The following ZNF114 variants were observed in gnomAD, a reference collection of about 807,000 sequenced individuals.
ZNF114 encodes zinc finger protein 114 (Y18).
In ZNF114, 8 loss-of-function variants were observed where a neutral mutation model predicts 6.8. That is an observed-to-expected ratio of 1.18 (90% confidence interval 0.69 to 2.13). The LOEUF (loss-of-function observed/expected upper bound fraction) is 2.13, where lower values mean the gene tolerates loss of function less well. Among genes scored for constraint, ZNF114 ranks in the 30% most tolerant of loss-of-function variants. The pLI is 0.00. For synonymous variants in ZNF114, 169 were observed against 185.5 expected (o/e 0.91, Z 0.72); for missense variants, 472 against 519.5 (o/e 0.91, Z 0.89).
At chr19:48,274,430 C>A (rs1440204828) in intron 3 of ZNF114, among the ~76,000 whole-genome samples, 1 of 149,824 alleles carries the variant, frequency 6.7e-6, no homozygotes, top group East Asian at 1.9e-4. Flanking sequence ...ACATTTGGAG[C>A]AGGAAGAGTT....
At chr19:48,278,095 C>T (rs1967896594) in intron 3 of ZNF114, among the ~76,000 whole-genome samples, 1 of 151,946 alleles carries the variant, frequency 6.6e-6, no homozygotes, top group Non-Finnish European at 1.5e-5. Flanking sequence ...GCCACCACGC[C>T]CGGTTAATTT....
chr19:48,273,430 T>TG (rs1967732188), intron 3 of ZNF114, among the ~76,000 whole-genome samples: 1 of 149,412 alleles, frequency 6.7e-6, no homozygotes, highest in Non-Finnish European at 1.5e-5. Flanking sequence ...TCTTTTCTGT[T>TG]TTTTTTTTTT....
chr19:48,275,452 AC>A (rs1967803312), intron 3 of ZNF114, among the ~76,000 whole-genome samples: 1 of 133,636 alleles, frequency 7.5e-6, no homozygotes, highest in African/African-American at 2.6e-5. Flanking sequence ...ACACACACAC[AC>A]ACACAAAATA....
intron 3 of ZNF114, 73 bp from the exon 4 acceptor site, chr19:48,279,658 T>G: frequency 9.7e-7 from 1 of 1,033,940 alleles, no homozygotes; most frequent in South Asian, 1.3e-5. Context: ...GAGATTAATG[T>G]CAGGCAGGAT....
chr19:48,277,116 G>C (rs142104732), intron 3 of ZNF114, among the ~76,000 whole-genome samples: 2 of 151,960 alleles, frequency 1.3e-5, no homozygotes, highest in South Asian at 2.1e-4. Context: ...AGCTGAGATC[G>C]TGCCACTGCA....
Position 48,287,019 on chromosome 19 carries a change from A to T in ZNF114, c.*141A>T. On this transcript the variant is annotated 3_prime_UTR_variant, in exon 6 of 6. Transcript: ENST00000595607. ...GTATCTTACAGAAATGTGAAAAAAA[A>T]CCCTGTGAAGGTAAAGTCTACAGAA... 1.1e-6 allele frequency: 1 copy of T among 910,794 alleles called. No individual in the cohort carries two copies. Among genetic ancestry groups the T allele is most frequent in the East Asian group, 2.9e-5 (1 of 34,090 alleles). 56.4% of individuals were successfully genotyped at this position (910,794 alleles called of 1,614,324 possible).
chr19:48,285,619 GAA>G, intron 5 of ZNF114, 140 bp from the exon 6 acceptor site: 3 of 916,600 alleles, frequency 3.3e-6, no homozygotes, highest in Non-Finnish European at 4.8e-6. Flanking sequence ...AAGGAAGAAA[GAA>G]AGGATGGAAG....
At chr19:48,280,547 ATTTTTTTT>A (rs397859226) in intron 4 of ZNF114, among the ~76,000 whole-genome samples, 1 of 123,012 alleles carries the variant, frequency 8.1e-6, no homozygotes, top group Non-Finnish European at 1.7e-5. Flanking sequence ...CCCACTCCAA[ATTTTTTTT>A]TTTTTTTTTT....
chr19:48,274,503 TA>T lies in ZNF114; in HGVS notation c.-70+2676del, dbSNP rs1366402225. 2.3e-3 allele frequency among the ~76,000 whole-genome samples: 26 copies of T among 11,206 alleles called. No homozygotes were observed. The East Asian group carries it at 0.026, about 11-fold the overall frequency. 7.4% of individuals were successfully genotyped at this position (11,206 alleles called of 152,430 possible). A position where few individuals can be genotyped will look rare whatever the true frequency, so the allele number is the denominator to read the frequency against. On this transcript the variant is annotated intron_variant, in intron 3 of 5. Transcript: ENST00000595607. ...ACTTTTATATATATATATATATATA[TA>T]TATTTTTTTTTTTTTTTTTGAGACA... is the stretch of plus-strand genomic sequence containing the variant.
Position 48,278,142 on chromosome 19 carries a change from G to C in ZNF114, c.-69-1589G>C, listed in dbSNP as rs570170112. Among the ~76,000 whole-genome samples the C allele has an allele frequency of 2.0e-5, 3 of 152,188 alleles. No individual in the cohort carries two copies. In the South Asian group the frequency reaches 6.2e-4, roughly 32 times the overall value. On this transcript the variant is annotated intron_variant, in intron 3 of 5. Coordinates refer to ENST00000595607, the MANE Select transcript of ZNF114 (RefSeq NM_153608.4). Reference sequence around the variant, plus strand: ...GTAGAGACAGGGTTTCGCCATGTTGGCCAGGATGGTCTCAAACTCCTGACC... The same window carrying C: ...GTAGAGACAGGGTTTCGCCATGTTGCCCAGGATGGTCTCAAACTCCTGACC...
chr19:48,282,525 T>C (rs1968019229), intron 5 of ZNF114, 28 bp downstream of exon 5: 4 of 1,597,624 alleles, frequency 2.5e-6, no homozygotes, highest in Non-Finnish European at 3.4e-6. Flanking sequence ...CTGCACTTAG[T>C]CCGTGATGGG....
intron 3 of ZNF114, among the ~76,000 whole-genome samples, chr19:48,272,198 G>GTCA (rs1380150339): frequency 6.6e-6 from 1 of 152,062 alleles, no homozygotes; most frequent in African/African-American, 2.4e-5. Flanking sequence ...ATCACCTGAG[G>GTCA]TCAGGAGTTC....
intron 3 of ZNF114, among the ~76,000 whole-genome samples, chr19:48,277,219 G>A (rs1222218373): frequency 6.6e-6 from 1 of 151,914 alleles, no homozygotes; most frequent in Non-Finnish European, 1.5e-5. Flanking sequence ...GTGGTGGCAG[G>A]CGCTTGTGGT....
rs1968016001 is a variant in ZNF114, at chr19:48,282,411, A to G, written c.50A>G (p.Lys17Arg). The part of the protein sequence containing the change: ...TFADVAVNFT[K>R]EEWTLLDPAQ... ...GCAGACGTGGCTGTGAACTTCACCAAAGAGGAGTGGACCCTGCTGGACCCA... is the reference window on the plus strand; with the variant it reads ...GCAGACGTGGCTGTGAACTTCACCAGAGAGGAGTGGACCCTGCTGGACCCA... The change falls in exon 5 of 6, where the codon AAA becomes AGA. Residue 17 changes from lysine to arginine, a missense_variant. Coordinates refer to ENST00000595607, the MANE Select transcript of ZNF114 (RefSeq NM_153608.4). 5 of 1,613,642 alleles carry G rather than the reference A, an allele frequency of 3.1e-6. No homozygotes were observed. Among genetic ancestry groups the G allele is most frequent in the Non-Finnish European group, 4.2e-6 (5 of 1,179,754 alleles).
chr19:48,272,030 C>A (rs1412296056), intron 3 of ZNF114, among the ~76,000 whole-genome samples: 3 of 152,226 alleles, frequency 2.0e-5, no homozygotes, highest in Non-Finnish European at 4.4e-5. Flanking sequence ...CGTGCTGCAG[C>A]GTTGCGAAAG....
chr19:48,272,958 G>A (rs1033884823), intron 3 of ZNF114, among the ~76,000 whole-genome samples: 8 of 151,942 alleles, frequency 5.3e-5, no homozygotes, highest in Non-Finnish European at 1.0e-4. Flanking sequence ...ACCGCGCCCG[G>A]CTAATTTTTT....
intron 1 of ZNF114, 21 bp downstream of exon 1, chr19:48,270,240 A>AC (rs1400035976): frequency 6.6e-6 from 1 of 151,794 alleles, no homozygotes; most frequent in Non-Finnish European, 1.5e-5. Context: ...ATCTCTAAAA[A>AC]AAAAAAAAAT....
chr19:48,274,037 G>C (rs867014316), intron 3 of ZNF114, among the ~76,000 whole-genome samples: 1 of 151,322 alleles, frequency 6.6e-6, no homozygotes, highest in Non-Finnish European at 1.5e-5. Context: ...GATTACAGGC[G>C]TGAGCCACCG....
chr19:48,282,617 CCCCCCA>C, intron 5 of ZNF114, 120 bp downstream of exon 5: 1 of 1,226,288 alleles, frequency 8.2e-7, no homozygotes, highest in Non-Finnish European at 1.1e-6. Flanking sequence ...ACAGCTGCTG[CCCCCCA>C]GGTAGTAGGT....
Sources: gnomAD v4.1 joint callset for allele counts (sites outside exome capture counted in the v4.1 genomes callset) on GRCh38, gnomAD v4.1.1 for gene constraint, MANE v1.5 for transcripts, NCBI Gene and HGNC (gene_info 2026-07-23, HGNC 2026-07-21) for gene names.